FRMPD4: variants seen among roughly 807,000 people sequenced by gnomAD.
FRMPD4 encodes FERM and PDZ domain containing 4.
A neutral mutation model predicts 94.1 loss-of-function variants in FRMPD4; 22 were observed. That is an observed-to-expected ratio of 0.23 (90% CI 0.17 to 0.33). The LOEUF (loss-of-function observed/expected upper bound fraction) is 0.33, where lower values mean the gene tolerates loss of function less well. FRMPD4 is among the 10% of genes least tolerant of loss of function. The probability of loss-of-function intolerance (pLI) is 1.00; values close to 1 mark genes in which losing one functional copy is unlikely to be tolerated. For missense variants in FRMPD4, 1,111 were observed against 1,339.9 expected, an observed-to-expected ratio of 0.83 and a Z score of 2.67; for synonymous variants, 631 against 548.6, an observed-to-expected ratio of 1.15 and a Z score of -2.10.
chrX:12,709,989 G>A (rs946289562), intron 13 of FRMPD4, among the ~76,000 whole-genome samples: 3 of 110,604 alleles, frequency 2.7e-5, no homozygotes, highest in Admixed American at 9.6e-5. Context: ...TTAGCCTGGC[G>A]CGGTGGTGCA....
At position 12,029,395 on chromosome X, in the gene FRMPD4, A is replaced by G. The variant is rs778873848; in HGVS notation, c.95+151377A>G. 4.5e-5 allele frequency among the ~76,000 whole-genome samples: 5 copies of G among 111,866 alleles called. No individual in the cohort carries two copies. In the East Asian group the frequency reaches 8.4e-4, roughly 19 times the overall value. ...TTTATCAGATGTATCTCTTGCAAAT[A>G]TTTTCTACCAGTCAGTGGCATATCT... On this transcript the variant is annotated intron_variant, in intron 3 of 18. Transcript: ENST00000640291.
chrX:12,084,186 G>C (rs748294475), intron 3 of FRMPD4, among the ~76,000 whole-genome samples: 8 of 95,291 alleles, frequency 8.4e-5, no homozygotes, highest in South Asian at 5.9e-4. Context: ...GTGGGGGGGG[G>C]GGTAATTGAA....
At chrX:12,384,639 T>G (rs1257294565) in intron 1 of FRMPD4, among the ~76,000 whole-genome samples, 2 of 112,180 alleles carry the variant, frequency 1.8e-5, no homozygotes, top group African/African-American at 6.5e-5. Flanking sequence ...TTATCCAGAG[T>G]CATAGAAAGA....
intron 2 of FRMPD4, among the ~76,000 whole-genome samples, chrX:12,607,228 CCTGCCCACCTGAGTT>C (rs760248464): frequency 8.5e-4 from 95 of 111,770 alleles, no homozygotes; most frequent in African/African-American, 3.0e-3. Context: ...CGTCTGATCT[CCTGCCCACCTGAGTT>C]CTGCCCACCT....
rs1414582838 is a variant in FRMPD4 at position 12,723,210 on chromosome X, T to G, written c.*1352T>G. 2 of 111,651 alleles carry G rather than the reference T, an allele frequency of 1.8e-5. No homozygotes were observed. Among genetic ancestry groups the G allele is most frequent in the Non-Finnish European group, 3.8e-5 (2 of 53,086 alleles). 9.2% of individuals were successfully genotyped at this position (111,651 alleles called of 1,213,427 possible). A position where few individuals can be genotyped will look rare whatever the true frequency, so the allele number is the denominator to read the frequency against. ...CAAAGAACTTTCCAGGACTGTCACA[T>G]CTCTAAAAGTACCCTGCAGTCATAA... On this transcript the variant is annotated 3_prime_UTR_variant, in exon 17 of 17. Coordinates refer to ENST00000675598, the MANE Select transcript of FRMPD4 (RefSeq NM_001368397.1).
rs1298732466 is a variant in FRMPD4, at chrX:12,185,537, T to C, written c.41+46525T>C. Among the ~76,000 whole-genome samples the C allele has an allele frequency of 1.8e-5, 2 of 111,187 alleles. 1 individual carries two copies. The highest frequency in any genetic ancestry group is 1.9e-4 in the Admixed American group (2 of 10,464). On this transcript the variant is annotated intron_variant, in intron 1 of 16. Coordinates refer to ENST00000675598, the MANE Select transcript of FRMPD4 (RefSeq NM_001368397.1). ...ATGTCAGGGCTAACTCTTCCAAGGGTCCCTCTACGACCCAAATCACTCATT... is the reference window on the plus strand; with the variant it reads ...ATGTCAGGGCTAACTCTTCCAAGGGCCCCTCTACGACCCAAATCACTCATT...
chrX:12,541,993 A>C (rs912346663), intron 2 of FRMPD4, among the ~76,000 whole-genome samples: 9 of 112,232 alleles, frequency 8.0e-5, no homozygotes, highest in African/African-American at 2.9e-4. Context: ...CAAAAACCAC[A>C]TGATTATCTC....
chrX:12,436,211 G>A (rs2057065360), intron 1 of FRMPD4, among the ~76,000 whole-genome samples: 1 of 110,994 alleles, frequency 9.0e-6, no homozygotes, highest in Non-Finnish European at 1.9e-5. Flanking sequence ...CATCATGTTG[G>A]CCTGAGCGGT....
chrX:12,137,510 T>C (rs1383099676), upstream of FRMPD4, among the ~76,000 whole-genome samples: 2 of 111,854 alleles, frequency 1.8e-5, no homozygotes, highest in Non-Finnish European at 3.8e-5. Flanking sequence ...TGCCGCCAGG[T>C]GAACGCTGCC....
intron 1 of FRMPD4, among the ~76,000 whole-genome samples, chrX:12,298,089 T>G (rs1350444059): frequency 1.8e-5 from 2 of 112,224 alleles, no homozygotes; most frequent in Non-Finnish European, 3.8e-5. Context: ...GGCCAGAGAT[T>G]TGACTGTAAG....
At chrX:12,200,116 A>G (rs2056614867) in intron 1 of FRMPD4, among the ~76,000 whole-genome samples, 1 of 112,087 alleles carries the variant, frequency 8.9e-6, no homozygotes, top group Non-Finnish European at 1.9e-5. Flanking sequence ...CAGCTCCACG[A>G]TTCCTAAACC....
chrX:12,225,837 A>G (rs1398962841), intron 1 of FRMPD4, among the ~76,000 whole-genome samples: 1 of 112,102 alleles, frequency 8.9e-6, no homozygotes, highest in South Asian at 3.7e-4. Flanking sequence ...ATAATGAGGG[A>G]TAATATAATT....
At chrX:12,570,656 T>A (rs1433795456) in intron 2 of FRMPD4, among the ~76,000 whole-genome samples, 1 of 112,045 alleles carries the variant, frequency 8.9e-6, no homozygotes, top group African/African-American at 3.2e-5. Context: ...GTTATCTCAG[T>A]ACAGTAGTCC....
chrX:11,872,669 G>A (rs1644207373), intron 2 of FRMPD4, among the ~76,000 whole-genome samples: 1 of 112,197 alleles, frequency 8.9e-6, no homozygotes, highest in African/African-American at 3.2e-5. Context: ...CCAAAGGGTA[G>A]TTCCAACTTA....
intron 1 of FRMPD4, among the ~76,000 whole-genome samples, chrX:12,479,306 C>G (rs1265536780): frequency 9.4e-6 from 1 of 106,053 alleles, no homozygotes; most frequent in Non-Finnish European, 1.9e-5. Context: ...TAAAATATAA[C>G]AGCCTGGACC....
intron 3 of FRMPD4, among the ~76,000 whole-genome samples, chrX:12,086,418 A>T (rs978600777): frequency 3.6e-5 from 4 of 112,214 alleles, no homozygotes; most frequent in Non-Finnish European, 5.6e-5. Flanking sequence ...ATCTGAAAAA[A>T]TATCGAGGCT....
At chrX:12,046,196 A>G (rs965769667) in intron 3 of FRMPD4, among the ~76,000 whole-genome samples, 3 of 111,336 alleles carry the variant, frequency 2.7e-5, no homozygotes, top group African/African-American at 9.8e-5. Flanking sequence ...TGACCAAGAA[A>G]TAAGTCTCAG....
chrX:12,266,678 C>T (rs2054282105), intron 1 of FRMPD4, among the ~76,000 whole-genome samples: 1 of 111,741 alleles, frequency 8.9e-6, no homozygotes, highest in Admixed American at 9.5e-5. Flanking sequence ...AATCACTGCC[C>T]TTCCTTATAT....
intron 1 of FRMPD4, among the ~76,000 whole-genome samples, chrX:12,333,095 A>G (rs552669887): frequency 6.2e-5 from 7 of 112,147 alleles, no homozygotes; most frequent in African/African-American, 2.3e-4. Context: ...TTCAAGCATT[A>G]TATTATCTAC....
Sources: gnomAD v4.1 joint callset for allele counts (sites outside exome capture counted in the v4.1 genomes callset) on GRCh38, gnomAD v4.1.1 for gene constraint, MANE v1.5 for transcripts, NCBI Gene and HGNC (gene_info 2026-07-23, HGNC 2026-07-21) for gene names.